Variants in B3GALT1 observed in about 807,000 individuals in gnomAD.
B3GALT1 encodes the protein beta-1,3-galactosyltransferase 1.
A neutral mutation model predicts 23.2 loss-of-function variants in B3GALT1; 10 were observed. The ratio of observed to expected loss-of-function variants is 0.43; its 90% CI spans 0.27 to 0.73. The LOEUF is 0.73. B3GALT1 is among the 30% of genes least tolerant of loss of function. The probability of loss-of-function intolerance (pLI) is 0.21; values close to 1 mark genes in which losing one functional copy is unlikely to be tolerated. For synonymous variants in B3GALT1, 156 were observed against 141.5 expected, an observed-to-expected ratio of 1.10 and a Z score of -0.73; for missense variants, 299 against 405.4, an observed-to-expected ratio of 0.74 and a Z score of 2.25.
rs909927752 is a variant in B3GALT1 at position 167,873,966 on chromosome 2, C to T, written c.*3946C>T. 1.3e-5 allele frequency: 2 copies of T among 152,156 alleles called. No individual in the cohort carries two copies. Among genetic ancestry groups the T allele is most frequent in the African/African-American group, 4.8e-5 (2 of 41,420 alleles). The allele number at this position is 152,156 out of a possible 1,614,324, so 9.4% of individuals were successfully genotyped here. ...AAAGCGCAATGCTTATGTACAGGCC[C>T]ATCTGTCATGAGGAAGATTATGGTT... On this transcript the variant is annotated 3_prime_UTR_variant, in exon 5 of 5. Transcript: ENST00000392690.
intron 3 of B3GALT1, among the ~76,000 whole-genome samples, chr2:167,806,706 G>C (rs1688763205): frequency 6.6e-6 from 1 of 151,652 alleles, no homozygotes; most frequent in Non-Finnish European, 1.5e-5. Context: ...TGTGCTGCTG[G>C]ATTTGGTTGC....
intron 2 of B3GALT1, among the ~76,000 whole-genome samples, chr2:167,581,989 A>G (rs1357932165): frequency 1.3e-5 from 2 of 152,186 alleles, no homozygotes. Context: ...TTTCTCGGCT[A>G]CAGGTTATCA....
intron 1 of B3GALT1, among the ~76,000 whole-genome samples, chr2:167,369,984 A>G (rs1697656565): frequency 6.6e-6 from 1 of 152,176 alleles, no homozygotes; most frequent in African/African-American, 2.4e-5. Context: ...ACTGAATTCC[A>G]TTACTGACAC....
intron 4 of B3GALT1, among the ~76,000 whole-genome samples, chr2:167,827,904 A>G (rs1689261376): frequency 1.3e-5 from 2 of 152,220 alleles, no homozygotes; most frequent in Admixed American, 1.3e-4. Flanking sequence ...GTCAACACAG[A>G]GGGCTCTCGA....
At position 167,869,264 on chromosome 2, in the gene B3GALT1, A is replaced by G; in HGVS notation, c.225A>G (p.Lys75=). Residue 75 remains lysine, a synonymous_variant, in exon 5 of 5, where the codon AAA becomes AAG. Transcript: ENST00000392690. The surrounding 1 kb of genome is among the most constrained non-coding windows in gnomAD (Gnocchi z 6.4). ...TCAACGAGCCCAATAAATGTGAGAA[A>G]AACATTCCTTTTCTTGTTATCCTCA... ...FLINEPNKCE[K]NIPFLVILIS... The G allele has an allele frequency of 1.2e-6, 2 of 1,614,232 alleles. No homozygotes were observed. Among genetic ancestry groups the G allele is most frequent in the South Asian group, 1.1e-5 (1 of 91,078 alleles).
chr2:167,713,774 G>A (rs1687099999), intron 3 of B3GALT1: 1 of 1,590,236 alleles, frequency 6.3e-7, no homozygotes, highest in South Asian at 1.1e-5. Context: ...TCCAGGTCTT[G>A]GATGAAAGTA....
chr2:167,657,747 A>G (rs748375498), intron 3 of B3GALT1, among the ~76,000 whole-genome samples: 1 of 152,106 alleles, frequency 6.6e-6, no homozygotes, highest in Non-Finnish European at 1.5e-5. Context: ...CTTCCTAAAC[A>G]TTGTCAGGAC....
At chr2:167,584,582 C>T (rs989406296) in intron 2 of B3GALT1, among the ~76,000 whole-genome samples, 3 of 152,158 alleles carry the variant, frequency 2.0e-5, no homozygotes, top group Non-Finnish European at 2.9e-5. Context: ...GTTGGGAGCT[C>T]AGTCCCCAAG....
At chr2:167,648,239 CAT>C in intron 3 of B3GALT1, among the ~76,000 whole-genome samples, 1 of 152,144 alleles carries the variant, frequency 6.6e-6, no homozygotes, top group South Asian at 2.1e-4. Context: ...CTGCTCTTAT[CAT>C]ATGATAACCT....
At chr2:167,571,367 C>T (rs1574145838) in intron 2 of B3GALT1, among the ~76,000 whole-genome samples, 1 of 151,886 alleles carries the variant, frequency 6.6e-6, no homozygotes, top group Non-Finnish European at 1.5e-5. Context: ...AAGCATTTTC[C>T]TTAATTCTCT....
At chr2:167,333,401 GAATTAGTTA>G (rs1001984765) in intron 1 of B3GALT1, among the ~76,000 whole-genome samples, 1 of 152,208 alleles carries the variant, frequency 6.6e-6, no homozygotes, top group African/African-American at 2.4e-5. Context: ...TTCTCTTTAA[GAATTAGTTA>G]AATCCCCAGA....
chr2:167,815,965 A>C (rs890428264), intron 3 of B3GALT1, among the ~76,000 whole-genome samples: 1 of 152,236 alleles, frequency 6.6e-6, no homozygotes, highest in African/African-American at 2.4e-5. Context: ...ACTTTGAAAT[A>C]TTATTTTGTA....
At chr2:167,377,207 A>G (rs1697779258) in intron 1 of B3GALT1, among the ~76,000 whole-genome samples, 1 of 152,110 alleles carries the variant, frequency 6.6e-6, no homozygotes, top group African/African-American at 2.4e-5. Context: ...TATGGTTGGT[A>G]TAATTTTGAT....
chr2:167,719,247 A>G (rs1687195647), intron 3 of B3GALT1, among the ~76,000 whole-genome samples: 1 of 152,304 alleles, frequency 6.6e-6, no homozygotes, highest in East Asian at 1.9e-4. Flanking sequence ...TTTGTGTCAG[A>G]TATGTGTTCA....
At chr2:167,372,330 A>G (rs980123171) in intron 1 of B3GALT1, among the ~76,000 whole-genome samples, 7 of 152,110 alleles carry the variant, frequency 4.6e-5, no homozygotes, top group African/African-American at 1.7e-4. Flanking sequence ...AACTGTCAGA[A>G]AACTGAAAAT....
rs913575197 is a variant in B3GALT1 at position 167,300,077 on chromosome 2, G to A, written c.-511+6743G>A. Among the ~76,000 whole-genome samples the A allele has an allele frequency of 4.6e-5, 7 of 151,840 alleles. 1 individual carries two copies. Among genetic ancestry groups the A allele is most frequent in the African/African-American group, 1.7e-4 (7 of 41,338 alleles). ...GCCACCACGCCTGGCTATTTCTTTTGTATTTTTAGTAGATACGGGGTTTCA... is the reference window on the plus strand; with the variant it reads ...GCCACCACGCCTGGCTATTTCTTTTATATTTTTAGTAGATACGGGGTTTCA... On this transcript the variant is annotated intron_variant, in intron 1 of 4. Transcript: ENST00000392690.
chr2:167,715,158 C>T (rs541932083), intron 3 of B3GALT1: 2 of 1,613,892 alleles, frequency 1.2e-6, no homozygotes, highest in Admixed American at 1.7e-5. Context: ...TCTAAGTAAG[C>T]ACCATTTTCC....
At chr2:167,326,329 C>T (rs1290974794) in intron 1 of B3GALT1, among the ~76,000 whole-genome samples, 2 of 151,684 alleles carry the variant, frequency 1.3e-5, no homozygotes, top group Non-Finnish European at 2.9e-5. Context: ...GTATATTCTG[C>T]ATATTAGCCC....
chr2:167,717,602 ATTAGT>A (rs1687172336), intron 3 of B3GALT1, among the ~76,000 whole-genome samples: 5 of 152,256 alleles, frequency 3.3e-5, no homozygotes. Flanking sequence ...ACGTAATTTA[ATTAGT>A]TTATTCACTA....
Sources: gnomAD v4.1 joint callset for allele counts (sites outside exome capture counted in the v4.1 genomes callset) on GRCh38, gnomAD v4.1.1 for gene constraint, Gnocchi (gnomAD v3.1) non-coding constraint, MANE v1.5 for transcripts, NCBI Gene and HGNC (gene_info 2026-07-23, HGNC 2026-07-21) for gene names.